The following ASAP3 variants were observed in gnomAD, a reference collection of about 807,000 sequenced individuals.
ASAP3 encodes ArfGAP with SH3 domain, ankyrin repeat and PH domain 3, also known as arf-GAP with SH3 domain, ANK repeat and PH domain-containing protein 3.
ASAP3 carries 85 observed loss-of-function variants against 118.2 expected under a neutral mutation model. The ratio of observed to expected loss-of-function variants is 0.72; its 90% CI spans 0.60 to 0.86. ASAP3 has a LOEUF of 0.86. ASAP3 is among the 40% of genes least tolerant of loss of function. ASAP3 has a pLI of 0.00. For synonymous variants in ASAP3, 432 were observed against 477.4 expected (o/e 0.90, Z 1.24); for missense variants, 1,026 against 1,175.0 (o/e 0.87, Z 1.85).
At chr1:23,433,562 A>T (rs565362480) in intron 20 of ASAP3, 30 bp from the exon 21 acceptor site, 1 of 1,614,134 alleles carries the variant, frequency 6.2e-7, no homozygotes, top group Admixed American at 1.7e-5. Flanking sequence ...GGTGGTTCAG[A>T]GGGTTGGGGG....
At chr1:23,478,736 C>A (rs1374913204) in intron 1 of ASAP3, among the ~76,000 whole-genome samples, 1 of 151,238 alleles carries the variant, frequency 6.6e-6, no homozygotes, top group South Asian at 2.1e-4. Flanking sequence ...CTCCAGCCTG[C>A]ATGACAGAGT....
chr1:23,441,482 C>T lies in ASAP3; in HGVS notation c.748-9G>A. 1 of 1,613,958 alleles carries T rather than the reference C, an allele frequency of 6.2e-7. No individual in the cohort carries two copies. The highest frequency in any genetic ancestry group is 8.5e-7 in the Non-Finnish European group (1 of 1,179,954). On this transcript the variant is annotated splice_polypyrimidine_tract_variant and intron_variant, in intron 8 of 24. Coordinates refer to ENST00000336689, the MANE Select transcript of ASAP3 (RefSeq NM_017707.4). ...TCCTGGGCCTGATGGAGCTATGGGA[C>T]AGAGGATGGGATCCCATCACCAGCC...
chr1:23,464,659 T>TAAAAAAAAAAAAAAAAAAAAAAAA (rs57655847), intron 1 of ASAP3, among the ~76,000 whole-genome samples: 1 of 47,082 alleles, frequency 2.1e-5, no homozygotes, highest in African/African-American at 1.0e-4. Flanking sequence ...GACACTGTCT[T>TAAAAAAAAAAAAAAAAAAAAAAAA]AAAAAAAAAA....
Position 23,437,187 on chromosome 1 carries a change from T to G in ASAP3, c.1285A>C (p.Ile429Leu), listed in dbSNP as rs754606408. 4.4e-6 allele frequency: 7 copies of G among 1,607,216 alleles called. No homozygotes were observed. The highest frequency in any genetic ancestry group is 5.9e-6 in the Non-Finnish European group (7 of 1,177,208). ...CCAGGCCTGCTCTTCACCTCCGCGA[T>G]GAGCAGCTTTGTGAGGTCGTGCGGC... ...GEPHDLTKLL[I>L]AEVKSRPGNS... The change falls in exon 14 of 25, where the codon ATC becomes CTC. Residue 429 changes from isoleucine (I) to leucine (L), a missense_variant. Transcript: ENST00000336689. This position sits in a 1 kb window ranked among gnomAD's most constrained non-coding sequence, Gnocchi z 6.1.
chr1:23,469,478 C>G (rs1190896258), intron 1 of ASAP3, among the ~76,000 whole-genome samples: 3 of 152,166 alleles, frequency 2.0e-5, no homozygotes, highest in African/African-American at 7.2e-5. Flanking sequence ...GAAAGTTTAA[C>G]TCCAGGGCTG....
chr1:23,436,705 G>C lies in ASAP3; in HGVS notation c.1477-51C>G. The C allele has an allele frequency of 1.9e-6, 3 of 1,606,748 alleles. No homozygotes were observed. The highest frequency in any genetic ancestry group is 2.6e-6 in the Non-Finnish European group (3 of 1,173,474). ...GGGCGGAGTAAGACCGGGCGGTTAA[G>C]CCTGCATAGGGTGGAGCTCCAAGCC... On this transcript the variant is annotated intron_variant, in intron 15 of 24. Transcript: ENST00000336689. This position sits in a 1 kb window ranked among gnomAD's most constrained non-coding sequence, Gnocchi z 4.2.
intron 1 of ASAP3, among the ~76,000 whole-genome samples, chr1:23,458,656 G>A (rs1278750542): frequency 1.3e-5 from 2 of 151,858 alleles, no homozygotes; most frequent in Non-Finnish European, 2.9e-5. Context: ...AAGAGACAAA[G>A]AGGTGGAGGG....
At chr1:23,444,398 G>A (rs887933801) in intron 5 of ASAP3, among the ~76,000 whole-genome samples, 9 of 152,222 alleles carry the variant, frequency 5.9e-5, no homozygotes, top group Non-Finnish European at 1.0e-4. Flanking sequence ...CCATGTAAAG[G>A]AAAGGGCTTG....
rs758335009 is a variant in ASAP3 at position 23,429,310 on chromosome 1, G to C, written c.*546C>G. 3.9e-5 allele frequency: 6 copies of C among 153,088 alleles called. No homozygotes were observed. The highest frequency in any genetic ancestry group is 5.8e-5 in the Non-Finnish European group (4 of 68,750). The allele number at this position is 153,088 out of a possible 1,614,324, so 9.5% of individuals were successfully genotyped here. ...GCCTATTCCCAAGCCCAACCCTTAA[G>C]ACCAGCTTTCCACCAAAGGACCACC... On this transcript the variant is annotated 3_prime_UTR_variant, in exon 25 of 25. Transcript: ENST00000336689.
At position 23,484,092 on chromosome 1, in the gene ASAP3, G is replaced by A; in HGVS notation, c.42C>T (p.Thr14=). 1.5e-6 allele frequency: 2 copies of A among 1,346,732 alleles called. No individual in the cohort carries two copies. The highest frequency in any genetic ancestry group is 3.4e-5 in the Admixed American group (1 of 29,046). 83.4% of individuals were successfully genotyped at this position (1,346,732 alleles called of 1,614,324 possible). A position where few individuals can be genotyped will look rare whatever the true frequency, so the allele number is the denominator to read the frequency against. The part of the protein sequence containing the change: ...QFSVAEFLAV[T]AEDLSSPAGA... ...CAGCCGGGGAGCTGAGGTCCTCCGC[G>A]GTGACGGCCAGGAACTCGGCGACGC... Residue 14 remains threonine (T), a synonymous_variant, in exon 1 of 25, where the codon ACC becomes ACT. Transcript: ENST00000336689.
At position 23,441,434 on chromosome 1, in the gene ASAP3, G is replaced by C; in HGVS notation, c.787C>G (p.Gln263Glu). ...GTCCCTCGGAGGGAGTCCCGGAGCT[G>C]GGTCAGCTTCTGTAGCTCGTCCTCC... ...AQEDELQKLTQLRDSLRGTLQ... is the reference protein window; with the variant it reads ...AQEDELQKLTELRDSLRGTLQ... The change falls in exon 9 of 25, where the codon CAG becomes GAG. Residue 263 changes from glutamine to glutamate, a missense_variant. By Grantham distance (29) the Gln-to-Glu change is conservative (BLOSUM62 2). Coordinates refer to ENST00000336689, the MANE Select transcript of ASAP3 (RefSeq NM_017707.4). The C allele has an allele frequency of 6.2e-7, 1 of 1,614,154 alleles. No homozygotes were observed. The highest frequency in any genetic ancestry group is 1.7e-5 in the Admixed American group (1 of 60,022).
intron 1 of ASAP3, among the ~76,000 whole-genome samples, chr1:23,471,541 T>C (rs1641961147): frequency 6.6e-6 from 1 of 152,238 alleles, no homozygotes; most frequent in Non-Finnish European, 1.5e-5. Context: ...GAATACATAC[T>C]AGCAAGGCCC....
intron 17 of ASAP3, 124 bp downstream of exon 17, chr1:23,435,727 C>A: frequency 8.7e-7 from 1 of 1,152,306 alleles, no homozygotes; most frequent in Non-Finnish European, 1.3e-6. Context: ...ACTTACCACT[C>A]TGATGGGTGA....
chr1:23,452,616 A>G (rs1641253036), intron 4 of ASAP3, 81 bp downstream of exon 4: 4 of 1,460,542 alleles, frequency 2.7e-6, no homozygotes, highest in Non-Finnish European at 3.8e-6. Flanking sequence ...CTCCACCCTC[A>G]GTCCAGCCCT....
chr1:23,433,303 A>G, intron 21 of ASAP3, 31 bp from the exon 22 acceptor site: 1 of 1,605,026 alleles, frequency 6.2e-7, no homozygotes, highest in Non-Finnish European at 8.5e-7. Context: ...GGATGAGGAC[A>G]GCCTGGTTCC....
At position 23,429,795 on chromosome 1, in the gene ASAP3, G is replaced by T; in HGVS notation, c.*61C>A. 1 of 1,532,952 alleles carries T rather than the reference G, an allele frequency of 6.5e-7. No homozygotes were observed. The highest frequency in any genetic ancestry group is 8.9e-7 in the Non-Finnish European group (1 of 1,119,268). The allele number at this position is 1,532,952 out of a possible 1,614,324, so 95.0% of individuals were successfully genotyped here. A position where few individuals can be genotyped will look rare whatever the true frequency, so the allele number is the denominator to read the frequency against. Reference sequence around the variant, plus strand: ...ATGTCTCAGCTCCCCAGTTTTGTGAGCTCAAGTCCCAGCTCTGAACATTGG... The same window carrying T: ...ATGTCTCAGCTCCCCAGTTTTGTGATCTCAAGTCCCAGCTCTGAACATTGG... On this transcript the variant is annotated 3_prime_UTR_variant, in exon 25 of 25. Transcript: ENST00000336689.
chr1:23,433,043 C>T, intron 22 of ASAP3, 34 bp downstream of exon 22: 1 of 1,611,666 alleles, frequency 6.2e-7, no homozygotes. Context: ...CTGTGAATGG[C>T]ATGGTGAGCA....
intron 1 of ASAP3, chr1:23,479,670 A>T (rs1412892680): frequency 2.6e-5 from 4 of 152,220 alleles, no homozygotes; most frequent in African/African-American, 9.6e-5. Flanking sequence ...ATGTAACTCC[A>T]AAACAATTTA....
intron 1 of ASAP3, among the ~76,000 whole-genome samples, chr1:23,470,387 C>A (rs755206309): frequency 1.3e-5 from 2 of 152,220 alleles, no homozygotes; most frequent in African/African-American, 2.4e-5. Flanking sequence ...GAGGGCAGTG[C>A]TCTTCCCAGC....
Sources: allele counts gnomAD v4.1 joint callset (sites outside exome capture counted in the v4.1 genomes callset), GRCh38; gene constraint gnomAD v4.1.1; non-coding constraint Gnocchi (gnomAD v3.1); transcripts MANE v1.5; gene names NCBI Gene and HGNC (gene_info 2026-07-23, HGNC 2026-07-21).